The following ZNF185 variants were observed in gnomAD, a reference collection of about 807,000 sequenced individuals.
The protein encoded by ZNF185 is zinc finger protein 185 with LIM domain, also known as zinc finger protein 185.
ZNF185 carries 56 observed loss-of-function variants against 58.6 expected under a neutral mutation model. That is an observed-to-expected ratio of 0.95 (90% confidence interval 0.77 to 1.19). The LOEUF is 1.19. ZNF185 is among the 50% of genes most tolerant of loss of function. ZNF185 has a pLI of 0.00. For missense variants in ZNF185, 627 were observed against 573.5 expected, an observed-to-expected ratio of 1.09 and a Z score of -0.95; for synonymous variants, 230 against 215.9, an observed-to-expected ratio of 1.07 and a Z score of -0.57.
intron 15 of ZNF185, among the ~76,000 whole-genome samples, chrX:152,941,350 G>A (rs1556889191): frequency 1.8e-5 from 2 of 112,330 alleles, no homozygotes; most frequent in Admixed American, 1.9e-4. Context: ...CTGGGATGCT[G>A]CCCCACATCC....
At chrX:152,920,404 A>G (rs1939465479) in exon 8 of ZNF185, 1 of 1,209,259 alleles carries the variant, frequency 8.3e-7, no homozygotes, top group Admixed American at 2.2e-5. Context: ...GGCCAAGAAG[A>G]GCACTGGGTG....
chrX:152,936,169 G>A (rs782328261), intron 14 of ZNF185, among the ~76,000 whole-genome samples: 42 of 112,746 alleles, frequency 3.7e-4, no homozygotes, highest in Non-Finnish European at 6.2e-4. Flanking sequence ...AAAAGGTCAG[G>A]TAACATGCCC....
upstream of ZNF185, among the ~76,000 whole-genome samples, chrX:152,911,619 A>ACCCCG (rs1439615646): frequency 7.7e-5 from 1 of 13,015 alleles, no homozygotes; most frequent in Non-Finnish European, 1.4e-4. Flanking sequence ...CACCCACCCC[A>ACCCCG]CCCCGCCCCA....
chrX:152,914,827 G>A (rs1938045093), exon 2 of ZNF185: 2 of 1,183,116 alleles, frequency 1.7e-6, no homozygotes, highest in Non-Finnish European at 2.3e-6. Flanking sequence ...TCGGAGGGTC[G>A]CACCATGTAA....
intron 11 of ZNF185, among the ~76,000 whole-genome samples, chrX:152,926,859 G>A (rs1940960585): frequency 8.9e-6 from 1 of 112,721 alleles, no homozygotes; most frequent in Non-Finnish European, 1.9e-5. Context: ...CAAGGTGTCG[G>A]AAGGGCCATG....
intron 15 of ZNF185, among the ~76,000 whole-genome samples, chrX:152,938,812 GCTCCGAAGAAAACAGCCGCAGCTGAGATA>G (rs1424309378): frequency 2.2e-5 from 2 of 92,348 alleles, no homozygotes; most frequent in African/African-American, 4.2e-5. Context: ...GAAGGATAGT[GCTCCGAAGAAAACAGCCGCAGCTGAGATA>G]GAGTGATGGC....
chrX:152,945,501 C>T (rs2047693895), intron 16 of ZNF185, 37 bp downstream of exon 18: 11 of 1,162,050 alleles, frequency 9.5e-6, no homozygotes, highest in Non-Finnish European at 1.3e-5. Flanking sequence ...GCCTCTGGAG[C>T]CCATGTTTTT....
At chrX:152,963,749 C>A in intron 17 of ZNF185, 90 bp from the exon 20 acceptor site, 1 of 815,007 alleles carries the variant, frequency 1.2e-6, no homozygotes, top group Non-Finnish European at 1.7e-6. Context: ...AAGAGCAGTG[C>A]TCAAGGGTTA....
rs1370670393 is a variant in ZNF185, at chrX:152,965,547, C to T, written c.1799+20C>T. Reference sequence around the variant, plus strand: ...TAGCAAGTAAGAGCGGGTCCCAAACCCTTCCATGTCGGCCTTCTCCTGCCG... The same window carrying T: ...TAGCAAGTAAGAGCGGGTCCCAAACTCTTCCATGTCGGCCTTCTCCTGCCG... On this transcript the variant is annotated intron_variant, in intron 19 of 22. Coordinates refer to ENST00000449285, the Ensembl canonical transcript of ZNF185. 1.4e-5 allele frequency: 16 copies of T among 1,144,423 alleles called. No individual in the cohort carries two copies. The African/African-American group carries it at 1.4e-4, about 10-fold the overall frequency. The allele number at this position is 1,144,423 out of a possible 1,213,427, so 94.3% of individuals were successfully genotyped here. A position where few individuals can be genotyped will look rare whatever the true frequency, so the allele number is the denominator to read the frequency against.
intron 7 of ZNF185, among the ~76,000 whole-genome samples, chrX:152,919,335 GCCT>G (rs10549244): frequency 0.42 from 46,322 of 109,357 alleles, 7,468 homozygotes; most frequent in Non-Finnish European, 0.47. Flanking sequence ...CCGGGGAAAA[GCCT>G]CCTCATGTGG....
intron 16 of ZNF185, among the ~76,000 whole-genome samples, chrX:152,950,723 AG>A (rs782731555): frequency 8.9e-6 from 1 of 112,160 alleles, no homozygotes; most frequent in African/African-American, 3.2e-5. Context: ...AGCCAGTTTT[AG>A]GTATAAAATA....
At chrX:152,967,238 G>A in exon 20 of ZNF185, 1 of 1,209,699 alleles carries the variant, frequency 8.3e-7, no homozygotes, top group Non-Finnish European at 1.1e-6. Flanking sequence ...TACTCTGAGA[G>A]GTATGTTGAC....
the ZNF185 span, among the ~76,000 whole-genome samples, chrX:152,907,400 G>A: frequency 2.7e-5 from 3 of 113,150 alleles, no homozygotes; most frequent in East Asian, 5.6e-4. Flanking sequence ...CTTCGAGGTT[G>A]CTGGGCAACC....
At chrX:152,958,290 A>T (rs975807000) in intron 16 of ZNF185, among the ~76,000 whole-genome samples, 2 of 111,447 alleles carry the variant, frequency 1.8e-5, no homozygotes, top group Non-Finnish European at 3.8e-5. Context: ...TGGCTGCTGG[A>T]AGGGGAAGAG....
intron 16 of ZNF185, among the ~76,000 whole-genome samples, chrX:152,958,166 C>T (rs1323431267): frequency 3.6e-5 from 4 of 112,105 alleles, no homozygotes; most frequent in African/African-American, 1.3e-4. Flanking sequence ...TAATGTGTAA[C>T]CCAGAAGGAA....
intron 11 of ZNF185, among the ~76,000 whole-genome samples, chrX:152,928,264 G>A (rs1556874238): frequency 1.8e-5 from 2 of 112,510 alleles, no homozygotes; most frequent in Admixed American, 9.4e-5. Flanking sequence ...CCCTGGTGGG[G>A]TCACAGGCTG....
intron 18 of ZNF185, 114 bp downstream of exon 20, chrX:152,964,063 CTAGCAGGCCAT>C: frequency 1.4e-6 from 1 of 694,014 alleles, no homozygotes; most frequent in Non-Finnish European, 2.2e-6. Context: ...TCCCCAGTTT[CTAGCAGGCCAT>C]TAGCCAAGGG....
chrX:152,964,589 C>T (rs2049918346), intron 18 of ZNF185, among the ~76,000 whole-genome samples: 1 of 111,696 alleles, frequency 9.0e-6, no homozygotes, highest in South Asian at 3.8e-4. Flanking sequence ...ATGAGGGATC[C>T]CCCCATGATC....
chrX:152,937,326 ACT>A (rs1165135268), intron 14 of ZNF185, among the ~76,000 whole-genome samples: 4 of 111,443 alleles, frequency 3.6e-5, no homozygotes, highest in Non-Finnish European at 5.7e-5. Flanking sequence ...TTAGCAGCTT[ACT>A]CTCACACCGT....
Sources: gnomAD v4.1 joint callset for allele counts (sites outside exome capture counted in the v4.1 genomes callset) on GRCh38, gnomAD v4.1.1 for gene constraint, MANE v1.5 for transcripts, NCBI Gene and HGNC (gene_info 2026-07-23, HGNC 2026-07-21) for gene names.